The following PHF21B variants were observed in gnomAD, a reference collection of about 807,000 sequenced individuals.
PHF21B encodes the protein PHD finger protein 4.
A neutral mutation model predicts 62.2 loss-of-function variants in PHF21B; 22 were observed. That is an observed-to-expected ratio of 0.35 (90% confidence interval 0.25 to 0.51). PHF21B has a LOEUF of 0.51. Among genes scored for constraint, PHF21B ranks in the 20% least tolerant of loss-of-function variants. The pLI, the probability that PHF21B is intolerant of heterozygous loss-of-function variation, is 0.97. For missense variants in PHF21B, 701 were observed against 707.9 expected (o/e 0.99, Z 0.11); for synonymous variants, 341 against 314.7 (o/e 1.08, Z -0.88).
intron 4 of PHF21B, 86 bp downstream of exon 4, chr22:44,916,194 G>T (rs1162228631): frequency 7.7e-7 from 1 of 1,295,092 alleles, no homozygotes; most frequent in Non-Finnish European, 1.1e-6. Flanking sequence ...GCCTGGGCTT[G>T]TTCATTTGGC....
At chr22:44,906,317 G>C (rs550598945) in intron 5 of PHF21B, among the ~76,000 whole-genome samples, 1 of 152,310 alleles carries the variant, frequency 6.6e-6, no homozygotes, top group East Asian at 1.9e-4. Flanking sequence ...ATTTTGGAAA[G>C]ATCATTTGCA....
Position 44,914,025 on chromosome 22 carries a change from A to C in PHF21B, c.628T>G (p.Ser210Ala). 2.3e-6 allele frequency: 1 copy of C among 431,762 alleles called. No individual in the cohort carries two copies. Among genetic ancestry groups the C allele is most frequent in the Non-Finnish European group, 4.0e-6 (1 of 248,544 alleles). The allele number at this position is 431,762 out of a possible 1,614,324, so 26.7% of individuals were successfully genotyped here. ...ATHHCPLHPSSLPLTPPSPSL... is the reference protein window; with the variant it reads ...ATHHCPLHPSALPLTPPSPSL... ...GGGGAGGGAGGGGTGAGGGGAAGAG[A>C]GGAGGGGTGGAGGGGACAGTGATGG... is the stretch of plus-strand genomic sequence containing the variant. Residue 210 changes from serine (S) to alanine (A), a missense_variant, in exon 5 of 13, where the codon TCT becomes GCT. Transcript: ENST00000313237.
At chr22:44,887,350 T>C (rs1002380942) in intron 10 of PHF21B, among the ~76,000 whole-genome samples, 2 of 152,102 alleles carry the variant, frequency 1.3e-5, no homozygotes, top group African/African-American at 4.8e-5. Flanking sequence ...ATTCCCAAAC[T>C]ATATAGCAGC....
intron 3 of PHF21B, among the ~76,000 whole-genome samples, 189 bp from the exon 4 acceptor site, chr22:44,916,819 C>T (rs914662343): frequency 2.0e-5 from 3 of 152,306 alleles, no homozygotes; most frequent in Middle Eastern, 3.4e-3. Flanking sequence ...GGGCTTGCAC[C>T]GACTGGCCAC....
intron 2 of PHF21B, among the ~76,000 whole-genome samples, chr22:44,930,174 T>G (rs1231513176): frequency 2.6e-5 from 4 of 152,012 alleles, no homozygotes; most frequent in Admixed American, 6.6e-5. Context: ...CTGGGGCGGG[T>G]GTGGCCTGCT....
At chr22:44,901,722 T>C (rs1405851771) in intron 5 of PHF21B, 1 of 398,388 alleles carries the variant, frequency 2.5e-6, no homozygotes, top group South Asian at 4.6e-5. Flanking sequence ...TGAAATCCCA[T>C]CCTTGTCAGA....
chr22:44,917,256 T>C (rs2071454616), intron 3 of PHF21B, among the ~76,000 whole-genome samples: 1 of 152,196 alleles, frequency 6.6e-6, no homozygotes, highest in Admixed American at 6.5e-5. Flanking sequence ...TCTGGGGTCC[T>C]GGTGACACAC....
intron 11 of PHF21B, 48 bp downstream of exon 11, chr22:44,885,815 G>T (rs1206383140): frequency 7.6e-6 from 12 of 1,575,630 alleles, no homozygotes; most frequent in Non-Finnish European, 1.0e-5. Context: ...CCTGGGTGGG[G>T]GAGGAGGGGG....
chr22:44,922,025 C>A lies in PHF21B; in HGVS notation c.121-1535G>T, dbSNP rs1392295770. Among the ~76,000 whole-genome samples, 3 of 152,168 alleles carry A rather than the reference C, an allele frequency of 2.0e-5. No individual in the cohort carries two copies. In the East Asian group the frequency reaches 5.8e-4, roughly 29 times the overall value. On this transcript the variant is annotated intron_variant, in intron 2 of 12. Coordinates refer to ENST00000313237, the MANE Select transcript of PHF21B (RefSeq NM_138415.5). ...GCCTGCCTGATGGGGAGAGAGGGAA[C>A]CCCTTGCTCAGATCCAGTCAAACCA...
chr22:44,894,512 C>T (rs2071022980), intron 6 of PHF21B, among the ~76,000 whole-genome samples: 2 of 152,158 alleles, frequency 1.3e-5, no homozygotes, highest in Admixed American at 6.5e-5. Flanking sequence ...ACCGTGGTTT[C>T]GGTCAGAGAT....
chr22:45,009,269 C>T lies in PHF21B; in HGVS notation c.54+227G>A, dbSNP rs2073382388. The T allele has an allele frequency of 3.6e-6, 2 of 553,670 alleles. No homozygotes were observed. Among genetic ancestry groups the T allele is most frequent in the Admixed American group, 7.8e-5 (2 of 25,574 alleles). The allele number at this position is 553,670 out of a possible 1,614,324, so 34.3% of individuals were successfully genotyped here. The stretch of plus-strand genomic sequence containing the variant: ...TAAGAGAAGACTCCAGGCTCGGGTC[C>T]CACGCGTCCTCGATCCCGCAAACTG... On this transcript the variant is annotated intron_variant, in intron 1 of 12. Coordinates refer to ENST00000313237, the MANE Select transcript of PHF21B (RefSeq NM_138415.5). The surrounding 1 kb of genome is among the most constrained non-coding windows in gnomAD (Gnocchi z 5.9).
intron 5 of PHF21B, among the ~76,000 whole-genome samples, chr22:44,900,421 C>T (rs2147271689): frequency 6.6e-6 from 1 of 152,262 alleles, no homozygotes; most frequent in Admixed American, 6.5e-5. Flanking sequence ...CTGCCTCAGT[C>T]TCCCGAGTAG....
At chr22:44,919,403 G>A (rs1482990337) in intron 3 of PHF21B, among the ~76,000 whole-genome samples, 4 of 152,206 alleles carry the variant, frequency 2.6e-5, no homozygotes. Flanking sequence ...GCTACTGTTA[G>A]TGTTAGTGTA....
At chr22:44,921,777 G>A (rs1484496205) in intron 2 of PHF21B, among the ~76,000 whole-genome samples, 4 of 151,888 alleles carry the variant, frequency 2.6e-5, no homozygotes, top group Admixed American at 2.6e-4. Flanking sequence ...TCCCGCCTCA[G>A]CCTCCCGAGT....
chr22:44,930,092 C>T (rs1335597048), intron 2 of PHF21B, among the ~76,000 whole-genome samples: 4 of 152,210 alleles, frequency 2.6e-5, no homozygotes, highest in African/African-American at 7.2e-5. Flanking sequence ...TGGAAGACAC[C>T]CCTCGGGGTG....
In PHF21B at chr22:44,892,132, G is replaced by C. The variant is rs61309695; in HGVS notation, c.961-772C>G. ...CACAGCAGCCTGCATTTTCATGAAC[G>C]AACAAATCTAAAGGAATGAAGCCCT... On this transcript the variant is annotated intron_variant, in intron 7 of 12. Coordinates refer to ENST00000313237, the MANE Select transcript of PHF21B (RefSeq NM_138415.5). Among the ~76,000 whole-genome samples the C allele has an allele frequency of 2.5e-3, 375 of 152,212 alleles. 6 individuals are homozygous for C. The East Asian group carries it at 0.041, about 17-fold the overall frequency.
At chr22:45,005,361 C>CG (rs1195711282) in intron 2 of PHF21B, among the ~76,000 whole-genome samples, 27 of 151,816 alleles carry the variant, frequency 1.8e-4, no homozygotes, top group African/African-American at 4.8e-4. Flanking sequence ...TCCTATGCCT[C>CG]ATTTTTTTTT....
rs376818097 is a variant in PHF21B at position 44,997,934 on chromosome 22, GAATGACTCTTCCGTAAC to G, written c.120+10594_120+10610del. Reference sequence around the variant, plus strand: ...CTCTCAGCTCCTTTCCTATTTTGGGGAATGACTCTTCCGTAACAAGCCCACAGCTGGCCCCTACCCTC... The same window carrying G: ...CTCTCAGCTCCTTTCCTATTTTGGGGAAGCCCACAGCTGGCCCCTACCCTC... On this transcript the variant is annotated intron_variant, in intron 2 of 12. Transcript: ENST00000313237. Among the ~76,000 whole-genome samples the G allele has an allele frequency of 1.3e-3, 200 of 152,306 alleles. 1 individual carries two copies. The highest frequency in any genetic ancestry group is 4.5e-3 in the African/African-American group (188 of 41,566).
chr22:44,885,336 C>A, intron 12 of PHF21B, 90 bp downstream of exon 12: 1 of 1,255,744 alleles, frequency 8.0e-7, no homozygotes. Context: ...GGATCTACAC[C>A]TGTGGTTCTA....
Sources: gnomAD v4.1 joint callset for allele counts (sites outside exome capture counted in the v4.1 genomes callset) on GRCh38, gnomAD v4.1.1 for gene constraint, Gnocchi (gnomAD v3.1) non-coding constraint, MANE v1.5 for transcripts, NCBI Gene and HGNC (gene_info 2026-07-23, HGNC 2026-07-21) for gene names.